Variants in COL28A1 observed in about 807,000 individuals in gnomAD.
COL28A1 encodes the protein collagen type XXVIII alpha 1 chain.
In COL28A1, 161 loss-of-function variants were observed where a neutral mutation model predicts 150.2. The ratio of observed to expected loss-of-function variants is 1.07; its 90% CI spans 0.94 to 1.22. COL28A1 has a LOEUF of 1.22. Among genes scored for constraint, COL28A1 ranks in the 50% most tolerant of loss-of-function variants. COL28A1 has a pLI of 0.00. For synonymous variants in COL28A1, 552 were observed against 469.7 expected (o/e 1.18, Z -2.26); for missense variants, 1,617 against 1,388.3 (o/e 1.16, Z -2.62).
intron 4 of COL28A1, among the ~76,000 whole-genome samples, chr7:7,522,778 T>C (rs2115206926): frequency 9.9e-6 from 1 of 101,012 alleles, no homozygotes; most frequent in East Asian, 3.1e-4. Context: ...ACGCATAAAA[T>C]ACACTAACAC....
intron 17 of COL28A1, among the ~76,000 whole-genome samples, chr7:7,453,187 G>C (rs1053337992): frequency 1.3e-5 from 2 of 152,140 alleles, no homozygotes; most frequent in African/African-American, 4.8e-5. Context: ...TGAGTTGGTA[G>C]AATAGGATCT....
At chr7:7,518,608 T>C (rs1429632862) in intron 6 of COL28A1, among the ~76,000 whole-genome samples, 1 of 152,208 alleles carries the variant, frequency 6.6e-6, no homozygotes, top group African/African-American at 2.4e-5. Flanking sequence ...GCCTAATTTT[T>C]CCCAAACTAT....
intron 34 of COL28A1, among the ~76,000 whole-genome samples, chr7:7,360,083 C>T (rs980474874): frequency 2.6e-5 from 4 of 152,114 alleles, no homozygotes; most frequent in Non-Finnish European, 4.4e-5. Flanking sequence ...GGGAGCAGTA[C>T]GGACTACGGT....
rs559750784 is a variant in COL28A1, at chr7:7,504,320, G to T, written c.1026+1694C>A. 6.8e-4 allele frequency among the ~76,000 whole-genome samples: 103 copies of T among 151,948 alleles called. No individual in the cohort carries two copies. The South Asian group carries it at 0.021, about 31-fold the overall frequency. On this transcript the variant is annotated intron_variant, in intron 11 of 34. Coordinates refer to ENST00000399429, the MANE Select transcript of COL28A1 (RefSeq NM_001037763.3). ...CAGACTCAACTGGGCAACAAAGCGAGAGCCCATCTCTACAAAAAAAAAAAT... is the reference window on the plus strand; with the variant it reads ...CAGACTCAACTGGGCAACAAAGCGATAGCCCATCTCTACAAAAAAAAAAAT...
rs1290672559 is a variant in COL28A1 at position 7,373,753 on chromosome 7, C to A, written c.2360-207G>T. 6.6e-6 allele frequency among the ~76,000 whole-genome samples: 1 copy of A among 150,522 alleles called. No homozygotes were observed. Among genetic ancestry groups the A allele is most frequent in the Non-Finnish European group, 1.5e-5 (1 of 67,776 alleles). The stretch of plus-strand genomic sequence containing the variant: ...TCTCGCTGTCGCCCAGGTTGGAGTG[C>A]AGTGGCGCGATCTCGGCTCACTGCA... On this transcript the variant is annotated intron_variant, in intron 31 of 34. Transcript: ENST00000399429. The surrounding 1 kb of genome is among the most constrained non-coding windows in gnomAD (Gnocchi z 4.1).
intron 27 of COL28A1, among the ~76,000 whole-genome samples, chr7:7,391,711 C>T (rs1782549638): frequency 6.6e-6 from 1 of 151,854 alleles, no homozygotes; most frequent in African/African-American, 2.4e-5. Context: ...TGCATTGATC[C>T]CTTTACCATT....
At chr7:7,374,060 T>TATATATATATATATATATATATAC (rs1182312543) in intron 31 of COL28A1, among the ~76,000 whole-genome samples, 3 of 142,952 alleles carry the variant, frequency 2.1e-5, no homozygotes, top group African/African-American at 7.9e-5. Context: ...TATATATATA[T>TATATATATATATATATATATATAC]ACTTGGAAAA....
chr7:7,374,974 G>A (rs1366006351), intron 31 of COL28A1, among the ~76,000 whole-genome samples: 1 of 152,168 alleles, frequency 6.6e-6, no homozygotes, highest in Non-Finnish European at 1.5e-5. Flanking sequence ...TAGTAGTTGT[G>A]AAGCAAGGTG....
At chr7:7,389,720 G>A (rs1275186491) in intron 27 of COL28A1, among the ~76,000 whole-genome samples, 2 of 152,108 alleles carry the variant, frequency 1.3e-5, no homozygotes, top group African/African-American at 2.4e-5. Context: ...TACATCCCTT[G>A]TAAGTTGTAT....
chr7:7,436,246 T>C, intron 23 of COL28A1, 149 bp downstream of exon 23: 1 of 647,528 alleles, frequency 1.5e-6, no homozygotes, highest in Non-Finnish European at 2.8e-6. Context: ...TGTGATTGCT[T>C]GTTTTTTTAA....
chr7:7,362,764 C>A (rs1022967354), intron 33 of COL28A1, among the ~76,000 whole-genome samples: 12 of 152,118 alleles, frequency 7.9e-5, no homozygotes, highest in African/African-American at 2.9e-4. Flanking sequence ...TCAGAATGAT[C>A]CTGTATGCAG....
At chr7:7,476,013 G>A (rs920337745) in intron 14 of COL28A1, among the ~76,000 whole-genome samples, 1 of 152,166 alleles carries the variant, frequency 6.6e-6, no homozygotes, top group Non-Finnish European at 1.5e-5. Context: ...CTCTAGTAGA[G>A]ATTTAGGATT....
At chr7:7,354,719 C>T (rs1374214563), downstream of COL28A1, among the ~76,000 whole-genome samples, 1 of 152,162 alleles carries the variant, frequency 6.6e-6, no homozygotes, top group Non-Finnish European at 1.5e-5. Flanking sequence ...ACTTCCATAA[C>T]TTCTGAGTCT....
upstream of COL28A1, among the ~76,000 whole-genome samples, chr7:7,536,349 G>A (rs1460172609): frequency 6.6e-6 from 1 of 152,076 alleles, no homozygotes; most frequent in Non-Finnish European, 1.5e-5. Flanking sequence ...TAATATACAG[G>A]GAAAGAGTGG....
intron 21 of COL28A1, among the ~76,000 whole-genome samples, chr7:7,439,021 T>A (rs1160105717): frequency 6.6e-6 from 1 of 152,214 alleles, no homozygotes; most frequent in African/African-American, 2.4e-5. Context: ...GTATCTATGC[T>A]ATGTCTAAAC....
In COL28A1 at chr7:7,370,806, C is replaced by T. The variant is rs539561132; in HGVS notation, c.2985G>A (p.Ser995=). ...DSYLVQIFGS[S]SPQPGFGMSG... is the part of the protein sequence containing the mutation. ...ACATCCCAAATCCAGGTTGAGGTGA[C>T]GATGAACCAAAAATTTGAACGAGAT... Residue 995 remains serine (S), a synonymous_variant, in exon 33 of 35, where the codon TCG becomes TCA. Transcript: ENST00000399429. The T allele has an allele frequency of 2.8e-5, 45 of 1,613,208 alleles. No individual in the cohort carries two copies. The highest frequency in any genetic ancestry group is 3.4e-5 in the Non-Finnish European group (40 of 1,179,552).
At chr7:7,538,203 A>G (rs1782713284), upstream of COL28A1, among the ~76,000 whole-genome samples, 1 of 152,230 alleles carries the variant, frequency 6.6e-6, no homozygotes, top group South Asian at 2.1e-4. Context: ...TTGCACCCAG[A>G]GAAACAATGC....
intron 15 of COL28A1, among the ~76,000 whole-genome samples, chr7:7,473,828 T>C (rs182353226): frequency 6.9e-4 from 105 of 151,738 alleles, no homozygotes; most frequent in African/African-American, 2.5e-3. Flanking sequence ...AACTATGATA[T>C]ATATATTACA....
chr7:7,358,805 T>C lies in COL28A1; in HGVS notation c.3206A>G (p.Asp1069Gly). ...LLSTPVDGAE[D>G]PRCLEALKPG... Reference sequence around the variant, plus strand: ...CTTCAAGGCTTCCAAACATCTAGGATCTAGAGTGAGAAAAGGAAAATGTGT... The same window carrying C: ...CTTCAAGGCTTCCAAACATCTAGGACCTAGAGTGAGAAAAGGAAAATGTGT... The change falls in exon 35 of 35, where the codon GAT becomes GGT. Residue 1069 changes from aspartate (D) to glycine (G), a missense_variant and splice_region_variant. Transcript: ENST00000399429. The C allele has an allele frequency of 1.2e-6, 2 of 1,606,784 alleles. No individual in the cohort carries two copies. The highest frequency in any genetic ancestry group is 2.2e-5 in the South Asian group (2 of 89,268).
Sources: allele counts gnomAD v4.1 joint callset (sites outside exome capture counted in the v4.1 genomes callset), GRCh38; gene constraint gnomAD v4.1.1; non-coding constraint Gnocchi (gnomAD v3.1); transcripts MANE v1.5; gene names NCBI Gene and HGNC (gene_info 2026-07-23, HGNC 2026-07-21).